The following FBXW7 variants were observed in gnomAD, a reference collection of about 807,000 sequenced individuals.
The protein encoded by FBXW7 is F-box and WD repeat domain containing 7.
FBXW7 carries 11 observed loss-of-function variants against 86.3 expected under a neutral mutation model. That is an observed-to-expected ratio of 0.13 (90% confidence interval 0.08 to 0.21). The LOEUF (loss-of-function observed/expected upper bound fraction) is 0.21. Among genes scored for constraint, FBXW7 ranks in the 10% least tolerant of loss-of-function variants. The pLI is 1.00. For missense variants in FBXW7, 488 were observed against 847.4 expected (o/e 0.58, Z 5.27); for synonymous variants, 313 against 297.9 (o/e 1.05, Z -0.52).
chr4:152,330,127 G>T (rs553986277), intron 9 of FBXW7, among the ~76,000 whole-genome samples: 1 of 151,406 alleles, frequency 6.6e-6, no homozygotes, highest in African/African-American at 2.4e-5. Flanking sequence ...TGACACACAA[G>T]AACAAAATAA....
intron 4 of FBXW7, among the ~76,000 whole-genome samples, chr4:152,373,635 T>C (rs1295756303): frequency 1.3e-5 from 2 of 152,022 alleles, no homozygotes; most frequent in African/African-American, 4.8e-5. Flanking sequence ...ATCACCTACT[T>C]AGCAAACATC....
chr4:152,535,576 C>T lies in FBXW7; in HGVS notation c.-662G>A, dbSNP rs997757142. The T allele has an allele frequency of 5.0e-6, 2 of 396,548 alleles. No homozygotes were observed. The highest frequency in any genetic ancestry group is 4.1e-5 in the African/African-American group (2 of 48,460). The allele number at this position is 396,548 out of a possible 1,614,324, so 24.6% of individuals were successfully genotyped here. A position where few individuals can be genotyped will look rare whatever the true frequency, so the allele number is the denominator to read the frequency against. ...GATGCTACGGCCCCGGGCGGGTGGC[C>T]GAGTCGGCGGCAAGGCGAGGGACCC... On this transcript the variant is annotated 5_prime_UTR_variant, in exon 1 of 14. Coordinates refer to ENST00000281708, the MANE Select transcript of FBXW7 (RefSeq NM_001349798.2).
chr4:152,501,813 TATAG>T (rs1031844319), intron 2 of FBXW7, among the ~76,000 whole-genome samples: 34 of 152,302 alleles, frequency 2.2e-4, no homozygotes, highest in African/African-American at 8.2e-4. Context: ...GTCTTTAGAA[TATAG>T]ATACTTTTCC....
At chr4:152,499,601 C>T (rs1746718056) in intron 2 of FBXW7, among the ~76,000 whole-genome samples, 1 of 152,062 alleles carries the variant, frequency 6.6e-6, no homozygotes, top group Non-Finnish European at 1.5e-5. Context: ...CAGAATCTCT[C>T]GGTGATATCC....
At chr4:152,330,498 A>G (rs968426390) in intron 9 of FBXW7, among the ~76,000 whole-genome samples, 1 of 152,008 alleles carries the variant, frequency 6.6e-6, no homozygotes, top group African/African-American at 2.4e-5. Flanking sequence ...TCATTTACGT[A>G]AGATAAAAAG....
chr4:152,442,430 A>G (rs1740978394), intron 2 of FBXW7, among the ~76,000 whole-genome samples: 1 of 152,212 alleles, frequency 6.6e-6, no homozygotes, highest in African/African-American at 2.4e-5. Flanking sequence ...ATTAGTTTAA[A>G]AACTTTCTGT....
At position 152,346,760 on chromosome 4, in the gene FBXW7, A is replaced by G. The variant is rs1731303676; in HGVS notation, c.726+170T>C. The G allele has an allele frequency of 2.7e-5, 22 of 801,698 alleles. No individual in the cohort carries two copies. The South Asian group carries it at 4.2e-4, about 15-fold the overall frequency. 49.7% of individuals were successfully genotyped at this position (801,698 alleles called of 1,614,324 possible). A position where few individuals can be genotyped will look rare whatever the true frequency, so the allele number is the denominator to read the frequency against. On this transcript the variant is annotated intron_variant, in intron 6 of 13. Transcript: ENST00000281708. Reference sequence around the variant, plus strand: ...TATTCTGGACATTTCATATAAAGAGAATCAACATGTGGCCTTTTGTGTCTG... The same window carrying G: ...TATTCTGGACATTTCATATAAAGAGGATCAACATGTGGCCTTTTGTGTCTG...
At chr4:152,413,048 G>A (rs1351317875) in intron 2 of FBXW7, among the ~76,000 whole-genome samples, 1 of 151,968 alleles carries the variant, frequency 6.6e-6, no homozygotes, top group African/African-American at 2.4e-5. Context: ...AACATGTTGT[G>A]CACACACAAG....
intron 2 of FBXW7, among the ~76,000 whole-genome samples, chr4:152,462,867 C>G (rs1021420675): frequency 6.6e-6 from 1 of 150,510 alleles, no homozygotes; most frequent in Non-Finnish European, 1.5e-5. Context: ...AAGTTAAAAT[C>G]TTTACCTCAT....
At chr4:152,388,202 C>T (rs1371756348) in intron 4 of FBXW7, among the ~76,000 whole-genome samples, 1 of 152,114 alleles carries the variant, frequency 6.6e-6, no homozygotes, top group African/African-American at 2.4e-5. Context: ...GTATTTGAGA[C>T]ATTACATGTA....
At chr4:152,510,648 A>G (rs779392809) in intron 2 of FBXW7, among the ~76,000 whole-genome samples, 1 of 152,180 alleles carries the variant, frequency 6.6e-6, no homozygotes, top group Non-Finnish European at 1.5e-5. Context: ...TGGGAAAGCT[A>G]TGAGATTAAT....
At chr4:152,476,499 T>C (rs1057183332) in intron 2 of FBXW7, among the ~76,000 whole-genome samples, 3 of 152,028 alleles carry the variant, frequency 2.0e-5, no homozygotes, top group Non-Finnish European at 2.9e-5. Context: ...GTAAAAGAGA[T>C]TGAAGAATAT....
At chr4:152,530,903 A>C (rs1309447940) in intron 2 of FBXW7, 1 of 152,214 alleles carries the variant, frequency 6.6e-6, no homozygotes, top group Non-Finnish European at 1.5e-5. Context: ...GTAAAACCTA[A>C]AATATTTACT....
intron 2 of FBXW7, among the ~76,000 whole-genome samples, chr4:152,534,274 G>A (rs1432623607): frequency 2.0e-5 from 3 of 151,616 alleles, no homozygotes; most frequent in Admixed American, 6.6e-5. Context: ...AAAAGGGGGG[G>A]GTGAAAGGGA....
At chr4:152,405,625 T>TTATA (rs1325113806) in intron 4 of FBXW7, among the ~76,000 whole-genome samples, 2 of 152,196 alleles carry the variant, frequency 1.3e-5, no homozygotes, top group African/African-American at 4.8e-5. Context: ...GGACGTGGCG[T>TTATA]TATAGCCTGA....
chr4:152,413,775 C>A (rs1219664031), intron 2 of FBXW7, among the ~76,000 whole-genome samples: 1 of 152,104 alleles, frequency 6.6e-6, no homozygotes, highest in Non-Finnish European at 1.5e-5. Context: ...TTCAAGTTAA[C>A]CAATGACATT....
chr4:152,430,939 T>C (rs1739838945), intron 2 of FBXW7, among the ~76,000 whole-genome samples: 1 of 152,232 alleles, frequency 6.6e-6, no homozygotes, highest in Admixed American at 6.5e-5. Context: ...ATATTTCTCT[T>C]TTCCAATTCA....
intron 2 of FBXW7, among the ~76,000 whole-genome samples, chr4:152,452,925 G>A (rs2127022643): frequency 6.6e-6 from 1 of 152,342 alleles, no homozygotes; most frequent in East Asian, 1.9e-4. Flanking sequence ...GCTCACGCCT[G>A]TAATCCCACC....
At chr4:152,361,429 C>T (rs1732926459) in intron 4 of FBXW7, among the ~76,000 whole-genome samples, 3 of 152,018 alleles carry the variant, frequency 2.0e-5, no homozygotes, top group Admixed American at 2.0e-4. Context: ...TGATTCCCTA[C>T]CTGTTTAGGA....
Sources: gnomAD v4.1 joint callset for allele counts (sites outside exome capture counted in the v4.1 genomes callset) on GRCh38, gnomAD v4.1.1 for gene constraint, MANE v1.5 for transcripts, NCBI Gene and HGNC (gene_info 2026-07-23, HGNC 2026-07-21) for gene names.